The following USP29 variants were observed in gnomAD, a reference collection of about 807,000 sequenced individuals.
USP29 encodes ubiquitin carboxyl-terminal hydrolase 29.
For missense variants in USP29, 1,102 were observed against 1,069.0 expected (o/e 1.03, Z -0.43); for synonymous variants, 386 against 387.4 (o/e 1.00, Z 0.04).
upstream of USP29, among the ~76,000 whole-genome samples, chr19:57,119,588 G>A (rs1982912): frequency 0.67 from 101,802 of 151,930 alleles, 34,692 homozygotes; most frequent in East Asian, 0.93. Context: ...ATGCCCGGCT[G>A]ATTTTTGTAT....
At chr19:57,119,572 A>G (rs909424633), upstream of USP29, among the ~76,000 whole-genome samples, 5 of 151,978 alleles carry the variant, frequency 3.3e-5, no homozygotes, top group African/African-American at 7.3e-5. Context: ...ACAGGCGCCC[A>G]CCACCATGCC....
rs1301489660 is a variant in USP29, at chr19:57,130,536, G to T, written c.1861G>T (p.Asp621Tyr). 6.2e-7 allele frequency: 1 copy of T among 1,614,160 alleles called. No homozygotes were observed. Among genetic ancestry groups the T allele is most frequent in the Middle Eastern group, 1.6e-4 (1 of 6,062 alleles). ...TGCAAGCCAAGAGCAGCATCAGAGA[G>T]ACCTGGAAAATGGCTCTGCACTAGA... ...GDASQEQHQR[D>Y]LENGSALESE... The change falls in exon 4 of 4, where the codon GAC becomes TAC. Residue 621 changes from aspartate (D) to tyrosine (Y), a missense_variant. Transcript: ENST00000254181.
rs2146954208 is a variant in USP29 at position 57,129,378 on chromosome 19, A to G, written c.703A>G (p.Asn235Asp). The change falls in exon 4 of 4, where the codon AAT becomes GAT. Residue 235 changes from asparagine to aspartate, a missense_variant. By Grantham distance (23) the Asn-to-Asp change is conservative (BLOSUM62 1). Transcript: ENST00000254181. ...TTCATTCAATACCAACTGTAATGGA[A>G]ATCCTAACCTAGATGAGACTGTTCT... ...GPSFNTNCNG[N>D]PNLDETVLAT... The G allele has an allele frequency of 6.2e-7, 1 of 1,614,182 alleles. No individual in the cohort carries two copies. Among genetic ancestry groups the G allele is most frequent in the East Asian group, 2.2e-5 (1 of 44,878 alleles).
At chr19:57,123,744 A>G (rs1397110957) in intron 2 of USP29, among the ~76,000 whole-genome samples, 1 of 152,196 alleles carries the variant, frequency 6.6e-6, no homozygotes, top group Admixed American at 6.5e-5. Context: ...TGTTGTTAGA[A>G]GGTCTTGTTG....
intron 3 of USP29, among the ~76,000 whole-genome samples, chr19:57,127,619 C>T (rs1482704866): frequency 6.6e-6 from 1 of 152,132 alleles, no homozygotes; most frequent in African/African-American, 2.4e-5. Flanking sequence ...ATCACGGATG[C>T]GCCTCCCCCA....
In USP29 at chr19:57,130,841, G is replaced by A. The variant is rs142699876; in HGVS notation, c.2166G>A (p.Arg722=). The A allele has an allele frequency of 2.9e-4, 465 of 1,614,172 alleles. 1 individual carries two copies. The highest frequency in any genetic ancestry group is 6.6e-4 in the Middle Eastern group (4 of 6,062). The change falls in exon 4 of 4, where the codon AGG becomes AGA. Residue 722 remains arginine (R), a synonymous_variant. Transcript: ENST00000254181. The part of the protein sequence containing the change: ...TNGFYDCKEN[R]IPEGSQGMAE... Reference sequence around the variant, plus strand: ...GCTTTTATGACTGTAAAGAAAACAGGATTCCAGAAGGATCTCAAGGAATGG... The same window carrying A: ...GCTTTTATGACTGTAAAGAAAACAGAATTCCAGAAGGATCTCAAGGAATGG...
At chr19:57,119,839 C>T (rs914026470), upstream of USP29, among the ~76,000 whole-genome samples, 1 of 152,162 alleles carries the variant, frequency 6.6e-6, no homozygotes, top group Non-Finnish European at 1.5e-5. Context: ...GGCTGGTTTT[C>T]TCTGAACCCT....
In USP29 at chr19:57,130,860, G is replaced by A. The variant is rs2086855168; in HGVS notation, c.2185G>A (p.Gly729Arg). The change falls in exon 4 of 4, where the codon GGA becomes AGA. Residue 729 changes from glycine to arginine, a missense_variant. Transcript: ENST00000254181. The stretch of plus-strand genomic sequence containing the variant: ...AAACAGGATTCCAGAAGGATCTCAA[G>A]GAATGGCTGAACAGCTCCAGCAGTG... The part of the protein sequence containing the change: ...KENRIPEGSQ[G>R]MAEQLQQCIE... The A allele has an allele frequency of 6.2e-7, 1 of 1,614,216 alleles. No individual in the cohort carries two copies. The highest frequency in any genetic ancestry group is 1.1e-5 in the South Asian group (1 of 91,090).
intron 2 of USP29, among the ~76,000 whole-genome samples, chr19:57,123,609 A>T (rs546292820): frequency 1.3e-5 from 2 of 152,118 alleles, no homozygotes; most frequent in African/African-American, 4.8e-5. Flanking sequence ...ATCTCGATGC[A>T]TCCTCTCTGT....
rs2086858080 is a variant in USP29 at position 57,131,194 on chromosome 19, A to C, written c.2519A>C (p.His840Pro). 2 of 1,614,088 alleles carry C rather than the reference A, an allele frequency of 1.2e-6. No individual in the cohort carries two copies. The highest frequency in any genetic ancestry group is 1.7e-5 in the Admixed American group (1 of 59,998). Residue 840 changes from histidine (H) to proline (P), a missense_variant, in exon 4 of 4, where the codon CAT becomes CCT. By Grantham distance (77) the His-to-Pro change is moderately conservative (BLOSUM62 -2). Transcript: ENST00000254181. ...SHIGSSPNSG[H>P]YISDVYDFQK... is the part of the protein sequence containing the mutation. ...ATCGGGAGCTCCCCAAATTCAGGCC[A>C]TTACATCAGCGATGTGTATGACTTT... is the stretch of plus-strand genomic sequence containing the variant.
At chr19:57,119,717 C>T (rs147045054), upstream of USP29, among the ~76,000 whole-genome samples, 2,497 of 152,266 alleles carry the variant, frequency 0.016, 79 homozygotes, top group African/African-American at 0.056. Context: ...GCCACCGCGC[C>T]CGGCCGGGAT....
chr19:57,123,063 T>C (rs948351689), intron 2 of USP29, among the ~76,000 whole-genome samples: 2 of 152,208 alleles, frequency 1.3e-5, no homozygotes, highest in South Asian at 2.1e-4. Context: ...GCTCATGCCC[T>C]ACATTGAAGA....
chr19:57,124,769 A>G (rs1268369346), intron 3 of USP29, among the ~76,000 whole-genome samples: 1 of 152,080 alleles, frequency 6.6e-6, no homozygotes, highest in Non-Finnish European at 1.5e-5. Flanking sequence ...TCAGCCTCCC[A>G]AAGTGCTGGG....
intron 2 of USP29, among the ~76,000 whole-genome samples, chr19:57,123,157 G>A (rs900589221): frequency 6.6e-6 from 1 of 152,078 alleles, no homozygotes; most frequent in Non-Finnish European, 1.5e-5. Context: ...GTCCCTTAAT[G>A]TATTAATAAT....
At position 57,131,167 on chromosome 19, in the gene USP29, A is replaced by G. The variant is rs770259500; in HGVS notation, c.2492A>G (p.His831Arg). Residue 831 changes from histidine (H) to arginine (R), a missense_variant, in exon 4 of 4, where the codon CAT becomes CGT. His to Arg is a conservative substitution (Grantham distance 29). Coordinates refer to ENST00000254181, the MANE Select transcript of USP29 (RefSeq NM_020903.3). ...TACAGACTCATCAGTGTTGTCAGCC[A>G]TATCGGGAGCTCCCCAAATTCAGGC... The part of the protein sequence containing the change: ...QAYRLISVVS[H>R]IGSSPNSGHY... 3.7e-6 allele frequency: 6 copies of G among 1,614,128 alleles called. No homozygotes were observed. The highest frequency in any genetic ancestry group is 1.7e-5 in the Admixed American group (1 of 60,006).
chr19:57,130,714 T>C lies in USP29; in HGVS notation c.2039T>C (p.Val680Ala). 1 of 1,614,098 alleles carries C rather than the reference T, an allele frequency of 6.2e-7. No individual in the cohort carries two copies. The highest frequency in any genetic ancestry group is 2.2e-5 in the East Asian group (1 of 44,872). ...ISSPDTRLVEVHLQEVPQHPE... is the reference protein window; with the variant it reads ...ISSPDTRLVEAHLQEVPQHPE... ...AGCCCAGACACAAGGCTTGTCGAGG[T>C]TCATCTTCAAGAGGTGCCTCAACAT... is the stretch of plus-strand genomic sequence containing the variant. Residue 680 changes from valine (V) to alanine (A), a missense_variant, in exon 4 of 4, where the codon GTT (valine) becomes GCT (alanine). Coordinates refer to ENST00000254181, the MANE Select transcript of USP29 (RefSeq NM_020903.3).
chr19:57,119,815 T>A (rs980868138), upstream of USP29, among the ~76,000 whole-genome samples: 1 of 152,142 alleles, frequency 6.6e-6, no homozygotes, highest in Non-Finnish European at 1.5e-5. Flanking sequence ...GGTAACAGGA[T>A]GAACCCGCCC....
At position 57,125,576 on chromosome 19, in the gene USP29, G is replaced by A. The variant is rs549439831; in HGVS notation, c.-17+1437G>A. ...TTAACATCTGTTTTATCAGAGACTA[G>A]GATTGCAACCCATCCTTTTTTTTGC... On this transcript the variant is annotated intron_variant, in intron 3 of 3. Transcript: ENST00000254181. Among the ~76,000 whole-genome samples the A allele has an allele frequency of 1.7e-4, 26 of 151,008 alleles. No homozygotes were observed. In the South Asian group the frequency reaches 5.3e-3, roughly 31 times the overall value.
rs2086863876 is a variant in USP29 at position 57,131,915 on chromosome 19, A to G, written c.*471A>G. 1 of 168,452 alleles carries G rather than the reference A, an allele frequency of 5.9e-6. No individual in the cohort carries two copies. The highest frequency in any genetic ancestry group is 1.4e-5 in the Non-Finnish European group (1 of 69,552). 10.4% of individuals were successfully genotyped at this position (168,452 alleles called of 1,614,324 possible). ...ATGGATTGCTTATGTTATATAAACGATTTTCATTAAATTTTTTGCACTCTT... is the reference window on the plus strand; with the variant it reads ...ATGGATTGCTTATGTTATATAAACGGTTTTCATTAAATTTTTTGCACTCTT... On this transcript the variant is annotated 3_prime_UTR_variant, in exon 4 of 4. Coordinates refer to ENST00000254181, the MANE Select transcript of USP29 (RefSeq NM_020903.3).
Sources: allele counts gnomAD v4.1 joint callset (sites outside exome capture counted in the v4.1 genomes callset), GRCh38; gene constraint gnomAD v4.1.1; transcripts MANE v1.5; gene names NCBI Gene and HGNC (gene_info 2026-07-23, HGNC 2026-07-21).